The following NEDD4L variants were observed in gnomAD, a reference collection of about 807,000 sequenced individuals.
The protein encoded by NEDD4L is NEDD4 like E3 ubiquitin protein ligase, also known as E3 ubiquitin-protein ligase NEDD4-like.
Under a neutral mutation model 148.9 loss-of-function variants are expected in NEDD4L, and 54 were observed. The observed-to-expected ratio is 0.36, with a 90% CI of 0.29 to 0.45. The LOEUF is 0.45. Among genes scored for constraint, NEDD4L ranks in the 20% least tolerant of loss-of-function variants. NEDD4L has a pLI of 1.00. For synonymous variants in NEDD4L, 433 were observed against 440.7 expected (o/e 0.98, Z 0.22); for missense variants, 856 against 1,233.8 (o/e 0.69, Z 4.59).
At chr18:58,304,695 A>G (rs2056875181) in intron 5 of NEDD4L, among the ~76,000 whole-genome samples, 1 of 152,206 alleles carries the variant, frequency 6.6e-6, no homozygotes, top group African/African-American at 2.4e-5. Flanking sequence ...CTAGCCATCT[A>G]TATGTCCAAA....
chr18:58,072,916 C>T (rs897268034), intron 1 of NEDD4L, among the ~76,000 whole-genome samples: 2 of 148,384 alleles, frequency 1.3e-5, no homozygotes, highest in Admixed American at 6.7e-5. Flanking sequence ...AAATCTTGAA[C>T]TAATAATTGA....
At chr18:58,141,711 TTA>T (rs1421129602) in intron 1 of NEDD4L, among the ~76,000 whole-genome samples, 1 of 152,206 alleles carries the variant, frequency 6.6e-6, no homozygotes, top group Non-Finnish European at 1.5e-5. Context: ...AATGCATGTA[TTA>T]TATATGTGCA....
chr18:58,092,059 G>A (rs1242809836), intron 1 of NEDD4L, among the ~76,000 whole-genome samples: 1 of 152,232 alleles, frequency 6.6e-6, no homozygotes. Flanking sequence ...TTGTAGCTTT[G>A]TGTCAACTCC....
chr18:58,069,091 G>A (rs983722694), intron 1 of NEDD4L, among the ~76,000 whole-genome samples: 53 of 141,100 alleles, frequency 3.8e-4, no homozygotes, highest in African/African-American at 1.3e-3. Context: ...AGCCAAGATC[G>A]TACCCCTGTG....
chr18:58,308,085 AATATT>A (rs1344276323), intron 5 of NEDD4L, among the ~76,000 whole-genome samples: 2 of 152,356 alleles, frequency 1.3e-5, no homozygotes, highest in Admixed American at 6.5e-5. Context: ...AAAATTAAAC[AATATT>A]ATATTAAGAG....
chr18:58,361,498 G>C (rs536463186), intron 19 of NEDD4L, among the ~76,000 whole-genome samples: 30 of 152,260 alleles, frequency 2.0e-4, no homozygotes, highest in African/African-American at 6.5e-4. Flanking sequence ...CCTCAGAAAG[G>C]CAGGGCAAAT....
At chr18:58,085,195 C>T (rs1161438253) in intron 1 of NEDD4L, among the ~76,000 whole-genome samples, 1 of 152,180 alleles carries the variant, frequency 6.6e-6, no homozygotes, top group Non-Finnish European at 1.5e-5. Flanking sequence ...GAACATGGTT[C>T]AACCCAATGA....
At chr18:58,125,581 G>T (rs1026274898) in intron 1 of NEDD4L, among the ~76,000 whole-genome samples, 1 of 152,058 alleles carries the variant, frequency 6.6e-6, no homozygotes, top group Non-Finnish European at 1.5e-5. Flanking sequence ...GCCCTTATAT[G>T]ATCTCGAGTC....
At chr18:58,371,030 TTTTA>T (rs541407491) in intron 23 of NEDD4L, among the ~76,000 whole-genome samples, 86 of 152,004 alleles carry the variant, frequency 5.7e-4, no homozygotes, top group African/African-American at 2.0e-3. Flanking sequence ...GTTGGAAGGA[TTTTA>T]TTTTTTTTTT....
Position 58,167,338 on chromosome 18 carries a change from T to C in NEDD4L, c.122+1477T>C, listed in dbSNP as rs562005979. 2.0e-5 allele frequency among the ~76,000 whole-genome samples: 3 copies of C among 152,326 alleles called. No homozygotes were observed. In the East Asian group the frequency reaches 5.8e-4, roughly 29 times the overall value. ...GGCAGAAGGATCCCTGCTTCCCTTCTCTTCCCTTTCAGAGCAACACTTTCA... is the reference window on the plus strand; with the variant it reads ...GGCAGAAGGATCCCTGCTTCCCTTCCCTTCCCTTTCAGAGCAACACTTTCA... On this transcript the variant is annotated intron_variant, in intron 2 of 30. Coordinates refer to ENST00000400345, the MANE Select transcript of NEDD4L (RefSeq NM_001144967.3).
intron 12 of NEDD4L, 36 bp from the exon 13 acceptor site, chr18:58,335,442 T>C: frequency 6.3e-7 from 1 of 1,577,780 alleles, no homozygotes; most frequent in Non-Finnish European, 8.7e-7. Context: ...GGTCATCCCC[T>C]AAGTGCATTT....
At chr18:58,183,090 G>T (rs1461583446) in intron 2 of NEDD4L, among the ~76,000 whole-genome samples, 10 of 152,204 alleles carry the variant, frequency 6.6e-5, no homozygotes, top group African/African-American at 2.4e-4. Context: ...CACACCCTGA[G>T]AATGGCCCTT....
rs72089117 is a variant in NEDD4L, at chr18:58,345,923, G to GT, written c.1575+2826dup. Among the ~76,000 whole-genome samples, 1,053 of 135,958 alleles carry GT rather than the reference G, an allele frequency of 7.7e-3. 21 individuals carry two copies. Among genetic ancestry groups the GT allele is most frequent in the South Asian group, 0.026 (112 of 4,292 alleles). The allele number at this position is 135,958 out of a possible 152,430, so 89.2% of individuals were successfully genotyped here. ...CACCAGCTAATTTTTGTTGTTTTTT[G>GT]TTTTTTGTTTTTTTTAGCACAGACA... On this transcript the variant is annotated intron_variant, in intron 16 of 30. Coordinates refer to ENST00000400345, the MANE Select transcript of NEDD4L (RefSeq NM_001144967.3).
At chr18:58,191,725 T>C (rs1399249041) in intron 2 of NEDD4L, among the ~76,000 whole-genome samples, 2 of 152,170 alleles carry the variant, frequency 1.3e-5, no homozygotes, top group Non-Finnish European at 2.9e-5. Flanking sequence ...AGGCATATAA[T>C]TGGTGATTTC....
rs145901894 is a variant in NEDD4L, at chr18:58,300,140, C to G, written c.298-15842C>G. Among the ~76,000 whole-genome samples, 21 of 152,304 alleles carry G rather than the reference C, an allele frequency of 1.4e-4. No individual in the cohort carries two copies. In the East Asian group the frequency reaches 3.9e-3, roughly 28 times the overall value. ...AGTTACTAGGCCTTTCTGTGTTTTA[C>G]TATGCTCTTTTGTAACACAGGGAGA... is the stretch of plus-strand genomic sequence containing the variant. On this transcript the variant is annotated intron_variant, in intron 5 of 30. Transcript: ENST00000400345.
At chr18:58,380,378 G>T (rs2048183804) in intron 24 of NEDD4L, among the ~76,000 whole-genome samples, 1 of 151,338 alleles carries the variant, frequency 6.6e-6, no homozygotes, top group Non-Finnish European at 1.5e-5. Context: ...GAGTGCAATG[G>T]CATGATCTCG....
intron 1 of NEDD4L, among the ~76,000 whole-genome samples, chr18:58,123,702 C>T (rs1171768091): frequency 6.6e-6 from 1 of 152,142 alleles, no homozygotes; most frequent in Non-Finnish European, 1.5e-5. Context: ...TTCTGCTCAT[C>T]AGTTCTCCAC....
At chr18:58,289,589 A>G (rs753761659) in intron 5 of NEDD4L, among the ~76,000 whole-genome samples, 10 of 152,200 alleles carry the variant, frequency 6.6e-5, no homozygotes, top group Non-Finnish European at 1.2e-4. Context: ...AGTCAGCTAC[A>G]CATGCTCAGG....
chr18:58,148,943 A>G (rs966872557), intron 1 of NEDD4L, among the ~76,000 whole-genome samples: 1 of 152,240 alleles, frequency 6.6e-6, no homozygotes. Context: ...TCTCAGTGTC[A>G]CTTGGCTGAA....
Sources: allele counts gnomAD v4.1 joint callset (sites outside exome capture counted in the v4.1 genomes callset), GRCh38; gene constraint gnomAD v4.1.1; transcripts MANE v1.5; gene names NCBI Gene and HGNC (gene_info 2026-07-23, HGNC 2026-07-21).